Variants in REV3L observed in about 807,000 individuals in gnomAD.
REV3L encodes the protein REV3 like, DNA directed polymerase zeta catalytic subunit.
A neutral mutation model predicts 299.4 loss-of-function variants in REV3L; 69 were observed. That is an observed-to-expected ratio of 0.23 (90% CI 0.19 to 0.28). REV3L has a LOEUF of 0.28. Among genes scored for constraint, REV3L ranks in the 10% least tolerant of loss-of-function variants. The pLI, the probability that REV3L is intolerant of heterozygous loss-of-function variation, is 1.00. For missense variants in REV3L, 3,128 were observed against 3,693.8 expected (o/e 0.85, Z 3.97); for synonymous variants, 1,238 against 1,271.4 (o/e 0.97, Z 0.56).
chr6:111,344,986 A>G (rs1034184499), intron 20 of REV3L, among the ~76,000 whole-genome samples: 1 of 152,198 alleles, frequency 6.6e-6, no homozygotes, highest in East Asian at 1.9e-4. Flanking sequence ...AATGCAGCAC[A>G]CTTCACAGTG....
At chr6:111,404,819 C>G (rs1242015322) in intron 4 of REV3L, among the ~76,000 whole-genome samples, 2 of 152,202 alleles carry the variant, frequency 1.3e-5, no homozygotes, top group Non-Finnish European at 2.9e-5. Flanking sequence ...AGAGAAAGCT[C>G]TGCCTGCAAT....
chr6:111,356,045 A>C (rs974410431), intron 18 of REV3L, among the ~76,000 whole-genome samples: 10 of 152,148 alleles, frequency 6.6e-5, no homozygotes, highest in African/African-American at 9.7e-5. Context: ...ATGTTAACCC[A>C]TCTGGGATTC....
At chr6:111,301,047 G>A (rs755702268) in intron 31 of REV3L, among the ~76,000 whole-genome samples, 5 of 152,118 alleles carry the variant, frequency 3.3e-5, no homozygotes, top group South Asian at 2.1e-4. Context: ...GAATAACCCC[G>A]GGAAAACGAA....
intron 22 of REV3L, among the ~76,000 whole-genome samples, chr6:111,333,817 G>A: frequency 6.6e-6 from 1 of 152,168 alleles, no homozygotes; most frequent in African/African-American, 2.4e-5. Context: ...TGCGAAAAGG[G>A]ATATATGTAA....
intron 1 of REV3L, among the ~76,000 whole-genome samples, chr6:111,447,433 T>C (rs1460195434): frequency 6.6e-6 from 1 of 152,200 alleles, no homozygotes; most frequent in Non-Finnish European, 1.5e-5. Context: ...ACTTCAAATG[T>C]CACGACTCTA....
intron 1 of REV3L, among the ~76,000 whole-genome samples, chr6:111,425,860 A>G (rs915326447): frequency 1.3e-5 from 2 of 152,228 alleles, no homozygotes; most frequent in East Asian, 1.9e-4. Flanking sequence ...TTATAAAAAA[A>G]GAACCAAATA....
intron 21 of REV3L, among the ~76,000 whole-genome samples, chr6:111,339,029 T>TCACCTTA (rs1431531543): frequency 6.6e-6 from 1 of 152,048 alleles, no homozygotes; most frequent in Admixed American, 6.6e-5. Flanking sequence ...AACAGTGGTT[T>TCACCTTA]CACTGTTGTA....
intron 1 of REV3L, among the ~76,000 whole-genome samples, chr6:111,474,792 A>G (rs1281135017): frequency 6.6e-6 from 1 of 152,220 alleles, no homozygotes; most frequent in Admixed American, 6.5e-5. Context: ...TAAGCAAAAC[A>G]TAACTTAAAA....
In REV3L at chr6:111,307,418, T is replaced by C. The variant is rs750539528; in HGVS notation, c.9195A>G (p.Ala3065=). The change falls in exon 31 of 32, where the codon GCA becomes GCG. Residue 3065 remains alanine, a synonymous_variant. Transcript: ENST00000368802. ...CCCGGATTTCTTGGTTGAGGATGACTGCAACATGCTGAGGTTGGCTCCGAC... is the reference window on the plus strand; with the variant it reads ...CCCGGATTTCTTGGTTGAGGATGACCGCAACATGCTGAGGTTGGCTCCGAC... ...SKCRSQPQHV[A]VILNQEIREL... 4 of 1,614,206 alleles carry C rather than the reference T, an allele frequency of 2.5e-6. No individual in the cohort carries two copies. The South Asian group carries it at 3.3e-5, about 13-fold the overall frequency.
At chr6:111,406,245 G>C (rs1296342677) in intron 3 of REV3L, among the ~76,000 whole-genome samples, 1 of 152,152 alleles carries the variant, frequency 6.6e-6, no homozygotes, top group Non-Finnish European at 1.5e-5. Flanking sequence ...AGAGAGGGAA[G>C]AGTATTCACG....
At chr6:111,379,841 CAG>C in intron 11 of REV3L, 139 bp downstream of exon 11, 1 of 654,498 alleles carries the variant, frequency 1.5e-6, no homozygotes. Flanking sequence ...ATATGAAAAA[CAG>C]ATCACTAAAG....
intron 1 of REV3L, among the ~76,000 whole-genome samples, chr6:111,419,070 A>G (rs1785049734): frequency 6.6e-6 from 1 of 152,180 alleles, no homozygotes; most frequent in Non-Finnish European, 1.5e-5. Flanking sequence ...GATCCCCAAC[A>G]TATTGCACTT....
chr6:111,363,704 C>A, intron 16 of REV3L, 149 bp downstream of exon 16: 1 of 729,068 alleles, frequency 1.4e-6, no homozygotes, highest in Non-Finnish European at 2.1e-6. Context: ...TGTAAATATA[C>A]AAAATAGTAA....
intron 30 of REV3L, 102 bp downstream of exon 30, chr6:111,309,751 C>T (rs1166480299): frequency 3.8e-6 from 5 of 1,325,804 alleles, no homozygotes; most frequent in Non-Finnish European, 5.2e-6. Context: ...CTTCCCTTCC[C>T]AGCACTCCCA....
Position 111,367,158 on chromosome 6 carries a change from CAGA to C in REV3L, c.6627_6629del (p.Leu2210del). 1.2e-6 allele frequency: 2 copies of C among 1,607,720 alleles called. No individual in the cohort carries two copies. Among genetic ancestry groups the C allele is most frequent in the South Asian group, 1.1e-5 (1 of 89,570 alleles). ...GGCCAGGTGCTTCAGGAAGCCTTTC[CAGA>C]AGTTTTCTCTGTATGATTGGTGTAC... is the stretch of plus-strand genomic sequence containing the variant. On this transcript the variant is annotated inframe_deletion, in exon 14 of 32. Coordinates refer to ENST00000368802, the MANE Select transcript of REV3L (RefSeq NM_001372078.1).
chr6:111,362,016 A>G (rs1778741363), intron 16 of REV3L, among the ~76,000 whole-genome samples: 1 of 152,196 alleles, frequency 6.6e-6, no homozygotes, highest in African/African-American at 2.4e-5. Flanking sequence ...TTTTCAAATA[A>G]GAGAATAATC....
intron 18 of REV3L, among the ~76,000 whole-genome samples, chr6:111,355,616 A>G (rs1485802121): frequency 1.3e-5 from 2 of 152,132 alleles, no homozygotes; most frequent in Non-Finnish European, 2.9e-5. Context: ...TATACTTGCA[A>G]ATGACTAACA....
chr6:111,336,152 A>T (rs1184847572), intron 21 of REV3L, among the ~76,000 whole-genome samples: 3 of 152,022 alleles, frequency 2.0e-5, no homozygotes, highest in Non-Finnish European at 1.5e-5. Flanking sequence ...TATTTCAATA[A>T]GTATTTTTTG....
chr6:111,303,596 C>A (rs1227835220), intron 31 of REV3L, among the ~76,000 whole-genome samples: 1 of 148,062 alleles, frequency 6.8e-6, no homozygotes, highest in African/African-American at 2.5e-5. Context: ...CAAACTCCTG[C>A]CCTCAAGTGA....
Sources: allele counts gnomAD v4.1 joint callset (sites outside exome capture counted in the v4.1 genomes callset), GRCh38; gene constraint gnomAD v4.1.1; transcripts MANE v1.5; gene names NCBI Gene and HGNC (gene_info 2026-07-23, HGNC 2026-07-21).